Variants in MTUS2 observed in about 807,000 individuals in gnomAD.
MTUS2 encodes the protein microtubule associated scaffold protein 2, also known as microtubule-associated tumor suppressor candidate 2.
In MTUS2, 40 loss-of-function variants were observed where a neutral mutation model predicts 114.1. The ratio of observed to expected loss-of-function variants is 0.35; its 90% CI spans 0.27 to 0.46. The LOEUF (loss-of-function observed/expected upper bound fraction) is 0.46. Ranked by LOEUF, MTUS2 falls within the 20% of genes least tolerant of loss-of-function variation. The pLI is 1.00. For missense variants in MTUS2, 1,679 were observed against 1,705.4 expected (o/e 0.98, Z 0.27); for synonymous variants, 688 against 672.0 (o/e 1.02, Z -0.37).
chr13:28,879,816 G>A (rs1295300097), intron 2 of MTUS2, among the ~76,000 whole-genome samples: 1 of 151,188 alleles, frequency 6.6e-6, no homozygotes, highest in African/African-American at 2.5e-5. Context: ...TGATATTAGA[G>A]ATGTATCTAA....
intron 2 of MTUS2, among the ~76,000 whole-genome samples, chr13:28,978,851 A>T (rs1216914697): frequency 6.6e-6 from 1 of 152,172 alleles, no homozygotes; most frequent in African/African-American, 2.4e-5. Context: ...GTGCTATCAA[A>T]GGCTGTTAGG....
chr13:29,389,326 T>TGTGCAAATATGTATGTATACAC, intron 8 of MTUS2, among the ~76,000 whole-genome samples: 2 of 58,824 alleles, frequency 3.4e-5, no homozygotes, highest in African/African-American at 7.6e-5. Flanking sequence ...TACACATATG[T>TGTGCAAATATGTATGTATACAC]GTGTATATAT....
chr13:29,293,776 G>C (rs1480544089), intron 6 of MTUS2, among the ~76,000 whole-genome samples: 1 of 152,060 alleles, frequency 6.6e-6, no homozygotes, highest in Non-Finnish European at 1.5e-5. Context: ...AGATCTACAT[G>C]AATTACATGG....
Position 29,375,536 on chromosome 13 carries a change from TACGTG to T in MTUS2, c.3117+16064_3117+16068del, listed in dbSNP as rs1237752658. ...CCTACTATATATATATATATATATA[TACGTG>T]TATATATATATATATACGTATATAT... On this transcript the variant is annotated intron_variant, in intron 8 of 15. Transcript: ENST00000612955. 2.5e-3 allele frequency among the ~76,000 whole-genome samples: 15 copies of T among 6,060 alleles called. No homozygotes were observed. In the East Asian group the frequency reaches 0.057, roughly 23 times the overall value. The allele number at this position is 6,060 out of a possible 152,430, so 4.0% of individuals were successfully genotyped here. A position where few individuals can be genotyped will look rare whatever the true frequency, so the allele number is the denominator to read the frequency against.
At chr13:29,296,478 C>T (rs942481959) in intron 6 of MTUS2, among the ~76,000 whole-genome samples, 2 of 152,104 alleles carry the variant, frequency 1.3e-5, no homozygotes, top group Admixed American at 6.5e-5. Context: ...CCCAAAGTGG[C>T]ATTAGCCACA....
intron 2 of MTUS2, among the ~76,000 whole-genome samples, chr13:28,910,422 T>C (rs1177183316): frequency 2.0e-5 from 3 of 152,244 alleles, no homozygotes; most frequent in Admixed American, 6.5e-5. Context: ...TGTAGGATGT[T>C]CAGGTTTGTT....
At position 28,907,740 on chromosome 13, in the gene MTUS2, C is replaced by G. The variant is rs990736275; in HGVS notation, c.-243+67890C>G. Among the ~76,000 whole-genome samples, 2 of 151,646 alleles carry G rather than the reference C, an allele frequency of 1.3e-5. 1 individual carries two copies. Among genetic ancestry groups the G allele is most frequent in the Admixed American group, 1.3e-4 (2 of 15,246 alleles). ...TATATGCACCCAATACAGGAGCACC[C>G]AAATTCATAACGCAAGTACTGAGTG... On this transcript the variant is annotated intron_variant, in intron 2 of 15. Coordinates refer to ENST00000612955, the MANE Select transcript of MTUS2 (RefSeq NM_001033602.4).
In MTUS2 at chr13:28,899,157, G is replaced by C. The variant is rs540421656; in HGVS notation, c.-243+59307G>C. ...TTGCAAGAAATAATAGAGATCTCAC[G>C]TACCGTTTTCCTCAATAATAATATC... is the stretch of plus-strand genomic sequence containing the variant. On this transcript the variant is annotated intron_variant, in intron 2 of 15. Transcript: ENST00000612955. Among the ~76,000 whole-genome samples, 10 of 152,292 alleles carry C rather than the reference G, an allele frequency of 6.6e-5. No individual in the cohort carries two copies. In the South Asian group the frequency reaches 1.9e-3, roughly 28 times the overall value.
rs78749335 is a variant in MTUS2 at position 28,928,304 on chromosome 13, A to G, written c.-243+88454A>G. Among the ~76,000 whole-genome samples the G allele has an allele frequency of 5.6e-4, 85 of 152,378 alleles. No individual in the cohort carries two copies. The East Asian group carries it at 0.014, about 25-fold the overall frequency. On this transcript the variant is annotated intron_variant, in intron 2 of 15. Transcript: ENST00000612955. ...CTGCATAGCAAGGGAAACAAGCAAC[A>G]TAGTGAATACATAACCCCCAGAATG... is the stretch of plus-strand genomic sequence containing the variant.
chr13:29,067,627 G>C (rs376840019), intron 4 of MTUS2, among the ~76,000 whole-genome samples: 1 of 152,200 alleles, frequency 6.6e-6, no homozygotes, highest in African/African-American at 2.4e-5. Context: ...AAAATGTGCT[G>C]ATGGATAAAA....
At chr13:29,403,600 A>C (rs1221106518) in intron 8 of MTUS2, among the ~76,000 whole-genome samples, 2 of 152,214 alleles carry the variant, frequency 1.3e-5, no homozygotes, top group African/African-American at 2.4e-5. Flanking sequence ...CTAAGAGAAC[A>C]AAAAGGCTGA....
intron 8 of MTUS2, among the ~76,000 whole-genome samples, chr13:29,406,427 TC>T: frequency 6.6e-6 from 1 of 152,302 alleles, no homozygotes. Flanking sequence ...AGACCTCAGA[TC>T]CTTGCTGGCT....
chr13:29,500,424 C>T (rs1882809782), intron 14 of MTUS2, among the ~76,000 whole-genome samples: 2 of 152,166 alleles, frequency 1.3e-5, no homozygotes, highest in Non-Finnish European at 2.9e-5. Flanking sequence ...TGTACTTCAG[C>T]TAGGTCTCAG....
chr13:29,030,365 C>T (rs866186404), intron 3 of MTUS2, among the ~76,000 whole-genome samples: 9 of 152,084 alleles, frequency 5.9e-5, no homozygotes, highest in East Asian at 1.9e-4. Context: ...TTTTGGGCCT[C>T]GACTTTACAA....
intron 8 of MTUS2, among the ~76,000 whole-genome samples, chr13:29,389,223 A>G (rs1199093806): frequency 2.0e-5 from 3 of 149,822 alleles, no homozygotes; most frequent in African/African-American, 7.3e-5. Flanking sequence ...AAATATATGT[A>G]TGTATATATG....
chr13:29,319,662 G>A (rs1007188934), intron 6 of MTUS2, among the ~76,000 whole-genome samples: 6 of 152,064 alleles, frequency 3.9e-5, no homozygotes, highest in African/African-American at 1.4e-4. Flanking sequence ...GCATCAGGCC[G>A]CTACTCTGAC....
At chr13:29,125,053 T>C (rs903896928) in intron 5 of MTUS2, among the ~76,000 whole-genome samples, 5 of 152,248 alleles carry the variant, frequency 3.3e-5, no homozygotes, top group African/African-American at 7.2e-5. Flanking sequence ...TTAATACCAC[T>C]GAACTTTACA....
chr13:28,970,282 A>C (rs1341042874), intron 2 of MTUS2, among the ~76,000 whole-genome samples: 2 of 152,244 alleles, frequency 1.3e-5, no homozygotes, highest in Non-Finnish European at 2.9e-5. Context: ...CAAATGTAGA[A>C]TAATATAAAT....
chr13:29,457,606 C>T (rs1879212896), intron 9 of MTUS2, among the ~76,000 whole-genome samples: 2 of 152,070 alleles, frequency 1.3e-5, no homozygotes. Context: ...TTATGAATAT[C>T]CTTATTACAA....
Sources: allele counts gnomAD v4.1 joint callset (sites outside exome capture counted in the v4.1 genomes callset), GRCh38; gene constraint gnomAD v4.1.1; transcripts MANE v1.5; gene names NCBI Gene and HGNC (gene_info 2026-07-23, HGNC 2026-07-21).